The following DIPK2B variants were observed in gnomAD, a reference collection of about 807,000 sequenced individuals.
DIPK2B encodes divergent protein kinase domain 2B, also known as UPF0672 protein CXorf36.
Under a neutral mutation model 22.2 loss-of-function variants are expected in DIPK2B, and 15 were observed. The observed-to-expected ratio is 0.68, with a 90% CI of 0.45 to 1.04. DIPK2B has a LOEUF of 1.04. Among genes scored for constraint, DIPK2B ranks in the 50% least tolerant of loss-of-function variants. The pLI, the probability that DIPK2B is intolerant of heterozygous loss-of-function variation, is 0.00. For synonymous variants in DIPK2B, 163 were observed against 153.2 expected (o/e 1.06, Z -0.47); for missense variants, 345 against 348.3 (o/e 0.99, Z 0.08).
At chrX:45,180,153 A>G (rs1376487901) in intron 2 of DIPK2B, among the ~76,000 whole-genome samples, 1 of 111,819 alleles carries the variant, frequency 8.9e-6, no homozygotes, top group Non-Finnish European at 1.9e-5. Flanking sequence ...ACAAAGAATA[A>G]CCTATCAATT....
At position 45,155,604 on chromosome X, in the gene DIPK2B, C is replaced by T. The variant is rs769701998; in HGVS notation, c.673-1406G>A. Among the ~76,000 whole-genome samples, 11 of 108,986 alleles carry T rather than the reference C, an allele frequency of 1.0e-4. No homozygotes were observed. The South Asian group carries it at 4.4e-3, about 44-fold the overall frequency. The allele number at this position is 108,986 out of a possible 115,157, so 94.6% of individuals were successfully genotyped here. ...GGGTGAATCTGTCTGGCTGGGGTAGCTATATACATCGTACAGATGTTCCCC... is the reference window on the plus strand; with the variant it reads ...GGGTGAATCTGTCTGGCTGGGGTAGTTATATACATCGTACAGATGTTCCCC... On this transcript the variant is annotated intron_variant, in intron 3 of 4. Coordinates refer to ENST00000398000, the MANE Select transcript of DIPK2B (RefSeq NM_176819.4).
intron 2 of DIPK2B, among the ~76,000 whole-genome samples, chrX:45,169,951 T>A (rs1467383185): frequency 1.8e-5 from 2 of 111,405 alleles, no homozygotes; most frequent in Admixed American, 9.5e-5. Flanking sequence ...GGGTCAGAAG[T>A]TGGCCTTGGG....
intron 2 of DIPK2B, among the ~76,000 whole-genome samples, chrX:45,184,670 G>A (rs2047172034): frequency 8.9e-6 from 1 of 111,993 alleles, no homozygotes; most frequent in East Asian, 2.8e-4. Context: ...AAGTGGCCTT[G>A]AGTTAGGAAC....
intron 2 of DIPK2B, among the ~76,000 whole-genome samples, chrX:45,183,953 C>A (rs1289701964): frequency 1.8e-5 from 2 of 111,274 alleles, no homozygotes; most frequent in Admixed American, 9.5e-5. Context: ...TGGGGTGATA[C>A]GGGGTATGAT....
chrX:45,174,203 C>T (rs1459264182), intron 2 of DIPK2B, among the ~76,000 whole-genome samples: 1 of 111,744 alleles, frequency 8.9e-6, no homozygotes, highest in East Asian at 2.8e-4. Context: ...ACTCTTCCGT[C>T]AAACCAAATA....
At chrX:45,165,419 A>G (rs930137107) in intron 2 of DIPK2B, among the ~76,000 whole-genome samples, 3 of 111,264 alleles carry the variant, frequency 2.7e-5, no homozygotes, top group African/African-American at 9.9e-5. Flanking sequence ...TGAAGGAGAG[A>G]TGGAGTTGCT....
intron 2 of DIPK2B, among the ~76,000 whole-genome samples, chrX:45,173,317 T>C (rs909156847): frequency 1.8e-5 from 2 of 110,373 alleles, no homozygotes; most frequent in Non-Finnish European, 3.8e-5. Flanking sequence ...TTTACTGTCC[T>C]GAGAAAAGGC....
intron 2 of DIPK2B, among the ~76,000 whole-genome samples, chrX:45,182,791 CA>C (rs1323778952): frequency 3.6e-5 from 4 of 112,666 alleles, no homozygotes; most frequent in Non-Finnish European, 7.5e-5. Flanking sequence ...AAATGAAGTT[CA>C]AAAACAGGTA....
intron 2 of DIPK2B, among the ~76,000 whole-genome samples, chrX:45,189,071 A>T (rs979716907): frequency 3.0e-4 from 34 of 111,979 alleles, no homozygotes; most frequent in African/African-American, 1.1e-3. Flanking sequence ...AGTTTTTTTA[A>T]AAAAATAGAT....
chrX:45,173,607 G>A (rs1337510274), intron 2 of DIPK2B, among the ~76,000 whole-genome samples: 1 of 85,363 alleles, frequency 1.2e-5, no homozygotes, highest in East Asian at 3.4e-4. Context: ...TTTTTTTTTG[G>A]TGGAGGGGAG....
intron 3 of DIPK2B, among the ~76,000 whole-genome samples, chrX:45,155,840 T>C (rs1473232847): frequency 9.0e-6 from 1 of 110,730 alleles, no homozygotes; most frequent in African/African-American, 3.3e-5. Flanking sequence ...TTTTCCTTCT[T>C]TAAAAAATAA....
chrX:45,179,423 A>G lies in DIPK2B; in HGVS notation c.498+12328T>C, dbSNP rs776900313. 6.3e-5 allele frequency among the ~76,000 whole-genome samples: 7 copies of G among 111,356 alleles called. No individual in the cohort carries two copies. In the South Asian group the frequency reaches 2.6e-3, roughly 41 times the overall value. ...TGAAGAAGCAAAAAAACGGAAAACT[A>G]TCAACACAAACAGAAGTGGAAGCAG... On this transcript the variant is annotated intron_variant, in intron 2 of 4. Transcript: ENST00000398000.
At chrX:45,156,132 A>ATT (rs59628688) in intron 3 of DIPK2B, among the ~76,000 whole-genome samples, 1 of 101,647 alleles carries the variant, frequency 9.8e-6, no homozygotes, top group African/African-American at 3.6e-5. Context: ...GTGCCTGGCT[A>ATT]TTTTTTTTTT....
intron 2 of DIPK2B, among the ~76,000 whole-genome samples, chrX:45,179,889 G>T (rs938358948): frequency 2.7e-5 from 3 of 111,480 alleles, no homozygotes; most frequent in African/African-American, 9.8e-5. Context: ...TAAAATTTAC[G>T]AAAAAAATTC....
In DIPK2B at chrX:45,157,779, G is replaced by A; in HGVS notation, c.608C>T (p.Thr203Ile). 1 of 1,194,273 alleles carries A rather than the reference G, an allele frequency of 8.4e-7. No individual in the cohort carries two copies. The highest frequency in any genetic ancestry group is 1.8e-5 in the African/African-American group (1 of 56,937). ...DAGSIFMDHF[T>I]DRDKLRLLYT... Reference sequence around the variant, plus strand: ...GAGCAGGCGCAGCTTGTCACGGTCGGTGAAGTGGTCCATGAAGATGCTGCC... The same window carrying A: ...GAGCAGGCGCAGCTTGTCACGGTCGATGAAGTGGTCCATGAAGATGCTGCC... The change falls in exon 3 of 5, where the codon ACC (threonine) becomes ATC (isoleucine). Residue 203 changes from threonine (T) to isoleucine (I), a missense_variant. Thr to Ile is a moderately conservative substitution (Grantham distance 89). Coordinates refer to ENST00000398000, the MANE Select transcript of DIPK2B (RefSeq NM_176819.4).
At position 45,149,046 on chromosome X, in the gene DIPK2B, T is replaced by C. The variant is rs6611070; in HGVS notation, c.*2606A>G. 0.47 allele frequency: 51,657 copies of C among 110,991 alleles called. 8,594 individuals carry two copies. Among genetic ancestry groups the C allele is most frequent in the East Asian group, 0.73 (2,510 of 3,456 alleles). 9.1% of individuals were successfully genotyped at this position (110,991 alleles called of 1,213,427 possible). On this transcript the variant is annotated 3_prime_UTR_variant, in exon 5 of 5. Transcript: ENST00000398000. ...TGGAGGAGAGAAGGGGGCAAGTGCT[T>C]ACCTTGAACCCGTGCAGGTGGACAG...
chrX:45,166,259 G>A (rs759544502), intron 2 of DIPK2B, among the ~76,000 whole-genome samples: 3 of 111,259 alleles, frequency 2.7e-5, no homozygotes, highest in South Asian at 3.8e-4. Flanking sequence ...GGGCTGCTTC[G>A]GGTCTTAAAA....
rs532330337 is a variant in DIPK2B, at chrX:45,191,514, G to A, written c.498+237C>T. ...TCGCAGCTAGGAACTTTCTCGAATC[G>A]TCACTGAGGATCACATCAGAGAGAA... is the stretch of plus-strand genomic sequence containing the variant. On this transcript the variant is annotated intron_variant, in intron 2 of 4. Coordinates refer to ENST00000398000, the MANE Select transcript of DIPK2B (RefSeq NM_176819.4). The A allele has an allele frequency of 3.2e-5, 12 of 374,813 alleles. No individual in the cohort carries two copies. In the South Asian group the frequency reaches 4.6e-4, roughly 14 times the overall value. 30.9% of individuals were successfully genotyped at this position (374,813 alleles called of 1,213,427 possible).
intron 3 of DIPK2B, among the ~76,000 whole-genome samples, chrX:45,155,422 C>CAAA (rs796781059): frequency 7.9e-5 from 7 of 89,079 alleles, no homozygotes; most frequent in Non-Finnish European, 6.6e-5. Flanking sequence ...GACTCTGTCT[C>CAAA]AAAAAAAAAA....
Sources: gnomAD v4.1 joint callset for allele counts (sites outside exome capture counted in the v4.1 genomes callset) on GRCh38, gnomAD v4.1.1 for gene constraint, MANE v1.5 for transcripts, NCBI Gene and HGNC (gene_info 2026-07-23, HGNC 2026-07-21) for gene names.